Variants in TTLL4 observed in about 807,000 individuals in gnomAD.
TTLL4 encodes tubulin tyrosine ligase like 4.
Under a neutral mutation model 122.7 loss-of-function variants are expected in TTLL4, and 85 were observed. The ratio of observed to expected loss-of-function variants is 0.69; its 90% confidence interval spans 0.58 to 0.83. The LOEUF (loss-of-function observed/expected upper bound fraction) is 0.83. Among genes scored for constraint, TTLL4 ranks in the 40% least tolerant of loss-of-function variants. The probability of loss-of-function intolerance (pLI) is 0.00; values close to 1 mark genes in which losing one functional copy is unlikely to be tolerated. For missense variants in TTLL4, 1,363 were observed against 1,488.6 expected (o/e 0.92, Z 1.39); for synonymous variants, 553 against 563.0 (o/e 0.98, Z 0.25).
In TTLL4 at chr2:218,752,167, C is replaced by T. The variant is rs528119906; in HGVS notation, c.2976+361C>T. On this transcript the variant is annotated intron_variant, in intron 16 of 19. Coordinates refer to ENST00000392102, the MANE Select transcript of TTLL4 (RefSeq NM_014640.5). ...AAGTGATCCGCCTGCCTCGGCCTCCCGAAGTGCTGGGATTACAGGCGTGAG... is the reference window on the plus strand; with the variant it reads ...AAGTGATCCGCCTGCCTCGGCCTCCTGAAGTGCTGGGATTACAGGCGTGAG... Among the ~76,000 whole-genome samples the T allele has an allele frequency of 3.7e-4, 56 of 152,292 alleles. 1 individual carries two copies. The highest frequency in any genetic ancestry group is 2.1e-3 in the Admixed American group (32 of 15,296).
At chr2:218,732,223 A>G (rs1002040332) in intron 2 of TTLL4, among the ~76,000 whole-genome samples, 2 of 152,174 alleles carry the variant, frequency 1.3e-5, no homozygotes, top group Admixed American at 6.5e-5. Flanking sequence ...ATTACTCTTT[A>G]TAAGTTTAGA....
chr2:218,733,586 C>T (rs770910219), intron 2 of TTLL4, among the ~76,000 whole-genome samples: 46 of 152,094 alleles, frequency 3.0e-4, no homozygotes, highest in South Asian at 6.2e-4. Flanking sequence ...TGAGAGGAGA[C>T]AAGAAGTGGG....
intron 19 of TTLL4, 37 bp downstream of exon 19, chr2:218,753,706 G>T: frequency 6.2e-7 from 1 of 1,606,434 alleles, no homozygotes; most frequent in Non-Finnish European, 8.5e-7. Flanking sequence ...GCTGCTGGCT[G>T]TGAGTTTGTA....
intron 1 of TTLL4, among the ~76,000 whole-genome samples, chr2:218,724,178 CA>C: frequency 6.6e-6 from 1 of 152,120 alleles, no homozygotes; most frequent in East Asian, 1.9e-4. Flanking sequence ...AAAGAGTAAA[CA>C]GGAATTCTTT....
chr2:218,745,564 T>C (rs557481625), intron 6 of TTLL4, 127 bp from the exon 7 acceptor site: 163 of 701,392 alleles, frequency 2.3e-4, no homozygotes, highest in Middle Eastern at 7.9e-4. Context: ...AACCCTGATC[T>C]GGAGCAATAG....
intron 2 of TTLL4, among the ~76,000 whole-genome samples, chr2:218,730,672 C>A (rs1391800486): frequency 6.6e-6 from 1 of 152,178 alleles, no homozygotes; most frequent in African/African-American, 2.4e-5. Context: ...ATTTTGACCA[C>A]TTCCTTACTT....
chr2:218,742,981 T>C (rs111674599), intron 5 of TTLL4, among the ~76,000 whole-genome samples: 49 of 152,066 alleles, frequency 3.2e-4, no homozygotes, highest in African/African-American at 1.2e-3. Flanking sequence ...CATATTTTAC[T>C]AAAAATACAA....
rs1942901574 is a variant in TTLL4 at position 218,748,190 on chromosome 2, G to A, written c.2464G>A (p.Ala822Thr). The part of the protein sequence containing the change: ...SVNKKNAEYQ[A>T]NADEMACQGH... ...CAATAAAAAGAATGCCGAGTACCAG[G>A]CCAATGCAGATGAAATGGCTTGCCA... is the stretch of plus-strand genomic sequence containing the variant. Residue 822 changes from alanine (A) to threonine (T), a missense_variant, in exon 12 of 20, where the codon GCC becomes ACC. Ala to Thr is a moderately conservative substitution (Grantham distance 58). Coordinates refer to ENST00000392102, the MANE Select transcript of TTLL4 (RefSeq NM_014640.5). 1 of 1,614,024 alleles carries A rather than the reference G, an allele frequency of 6.2e-7. No homozygotes were observed. The highest frequency in any genetic ancestry group is 8.5e-7 in the Non-Finnish European group (1 of 1,180,042).
At chr2:218,722,709 T>C (rs1942081533) in intron 1 of TTLL4, among the ~76,000 whole-genome samples, 1 of 152,228 alleles carries the variant, frequency 6.6e-6, no homozygotes, top group African/African-American at 2.4e-5. Context: ...GAGTACTGTG[T>C]TTTGAAAAAG....
chr2:218,722,400 T>C (rs1942071770), intron 1 of TTLL4, among the ~76,000 whole-genome samples: 1 of 151,160 alleles, frequency 6.6e-6, no homozygotes, highest in African/African-American at 2.4e-5. Flanking sequence ...AAATATATAA[T>C]AATTTTAGAT....
chr2:218,712,932 T>C (rs565646191), intron 1 of TTLL4, among the ~76,000 whole-genome samples: 29 of 152,358 alleles, frequency 1.9e-4, no homozygotes, highest in Admixed American at 1.3e-3. Flanking sequence ...CTGTATTCTT[T>C]GTTAAGATAT....
intron 5 of TTLL4, among the ~76,000 whole-genome samples, chr2:218,743,096 A>G (rs7599568): frequency 0.49 from 74,333 of 151,774 alleles, 18,844 homozygotes; most frequent in African/African-American, 0.58. Context: ...GTGAGCCGGT[A>G]TCGTGCCACT....
At chr2:218,749,174 C>T (rs1262972610) in intron 13 of TTLL4, 79 bp from the exon 14 acceptor site, 2 of 1,568,808 alleles carry the variant, frequency 1.3e-6, no homozygotes, top group Non-Finnish European at 1.7e-6. Context: ...TATCTCTGGG[C>T]CACTCTTTTG....
intron 16 of TTLL4, among the ~76,000 whole-genome samples, chr2:218,752,366 G>A (rs1943044513): frequency 6.6e-6 from 1 of 152,142 alleles, no homozygotes; most frequent in Non-Finnish European, 1.5e-5. Context: ...TTTACCCTTT[G>A]GGTTTCTTTC....
At chr2:218,753,545 C>T (rs746459434) in intron 18 of TTLL4, 39 bp from the exon 19 acceptor site, 9 of 1,604,392 alleles carry the variant, frequency 5.6e-6, no homozygotes, top group South Asian at 2.2e-5. Flanking sequence ...GCCTTGCCTC[C>T]GCCAAGCCTT....
intron 5 of TTLL4, among the ~76,000 whole-genome samples, chr2:218,741,328 AC>A (rs1187745681): frequency 6.6e-6 from 1 of 152,190 alleles, no homozygotes; most frequent in African/African-American, 2.4e-5. Context: ...CCTGGCCCTA[AC>A]TTTTAATTAA....
rs759418728 is a variant in TTLL4 at position 218,748,827 on chromosome 2, C to A, written c.2502-9C>A. 2 of 1,612,974 alleles carry A rather than the reference C, an allele frequency of 1.2e-6. No homozygotes were observed. The highest frequency in any genetic ancestry group is 3.3e-5 in the Admixed American group (2 of 59,994). ...TTAATTCCTAATACTTCCTCTTCCT[C>A]CTCTGCAGGGCACTGAAGGCTTTGT... On this transcript the variant is annotated splice_polypyrimidine_tract_variant and intron_variant, in intron 12 of 19. Coordinates refer to ENST00000392102, the MANE Select transcript of TTLL4 (RefSeq NM_014640.5).
At chr2:218,745,271 C>T (rs370857621) in intron 6 of TTLL4, 38 bp downstream of exon 6, 167 of 1,611,982 alleles carry the variant, frequency 1.0e-4, no homozygotes, top group South Asian at 4.2e-4. Flanking sequence ...GAAGAGCCCC[C>T]GGGGAGAAGG....
At chr2:218,741,080 AAAC>A (rs368354809) in intron 5 of TTLL4, among the ~76,000 whole-genome samples, 5 of 151,982 alleles carry the variant, frequency 3.3e-5, no homozygotes, top group South Asian at 2.1e-4. Context: ...CTCAAAAACA[AAAC>A]AACAACAACA....
Sources: allele counts gnomAD v4.1 joint callset (sites outside exome capture counted in the v4.1 genomes callset), GRCh38; gene constraint gnomAD v4.1.1; transcripts MANE v1.5; gene names NCBI Gene and HGNC (gene_info 2026-07-23, HGNC 2026-07-21).